The following OR4N2 variants were observed in gnomAD, a reference collection of about 807,000 sequenced individuals.
OR4N2 encodes the protein olfactory receptor family 4 subfamily N member 2.
For missense variants in OR4N2, 307 were observed against 377.6 expected (o/e 0.81, Z 1.55); for synonymous variants, 141 against 140.4 (o/e 1.00, Z -0.03).
intron 1 of OR4N2, among the ~76,000 whole-genome samples, chr14:19,825,524 CACTTATTT>C (rs1566468557): frequency 5.0e-4 from 75 of 149,634 alleles, no homozygotes; most frequent in Middle Eastern, 6.9e-3. Flanking sequence ...TGTGCTAGAG[CACTTATTT>C]ATTTATTTAT....
intron 1 of OR4N2, among the ~76,000 whole-genome samples, chr14:19,816,045 T>A (rs2138470582): frequency 6.6e-6 from 1 of 152,374 alleles, no homozygotes; most frequent in African/African-American, 2.4e-5. Flanking sequence ...TCTTTCCTGT[T>A]CCATTGGTCT....
Position 19,816,628 on chromosome 14 carries a change from T to A in OR4N2, c.-9-10812T>A, listed in dbSNP as rs564113309. On this transcript the variant is annotated intron_variant, in intron 1 of 1. Coordinates refer to ENST00000557677, the MANE Select transcript of OR4N2 (RefSeq NM_001004723.3). ...ATGGGATTTTCTAAATATACAATCATGTCATCTGCAAACTTTGACAATTTA... is the reference window on the plus strand; with the variant it reads ...ATGGGATTTTCTAAATATACAATCAAGTCATCTGCAAACTTTGACAATTTA... 2.8e-3 allele frequency among the ~76,000 whole-genome samples: 423 copies of A among 152,346 alleles called. 1 individual carries two copies. The highest frequency in any genetic ancestry group is 9.7e-3 in the African/African-American group (405 of 41,556).
At chr14:19,815,655 G>GTTTTTTTTT (rs59019427) in intron 1 of OR4N2, among the ~76,000 whole-genome samples, 16 of 138,524 alleles carry the variant, frequency 1.2e-4, no homozygotes, top group Non-Finnish European at 1.2e-4. Flanking sequence ...GTTTTTTTTT[G>GTTTTTTTTT]TTTTTTTTTT....
rs1406893275 is a variant in OR4N2 at position 19,828,010 on chromosome 14, G to C, written c.562G>C (p.Ala188Pro). ...TGATGTCCCACAGGTCATCAAGCTG[G>C]CCTGCACCGACACATTTGTGGTGGA... ...FCDVPQVIKL[A>P]CTDTFVVELL... is the part of the protein sequence containing the mutation. The change falls in exon 2 of 2, where the codon GCC (alanine) becomes CCC (proline). Residue 188 changes from alanine to proline, a missense_variant. By Grantham distance (27) the Ala-to-Pro change is conservative. Transcript: ENST00000557677. 1 of 1,614,094 alleles carries C rather than the reference G, an allele frequency of 6.2e-7. No individual in the cohort carries two copies. Among genetic ancestry groups the C allele is most frequent in the Non-Finnish European group, 8.5e-7 (1 of 1,180,050 alleles).
chr14:19,818,201 G>A (rs372262478), intron 1 of OR4N2, among the ~76,000 whole-genome samples: 1 of 152,222 alleles, frequency 6.6e-6, no homozygotes, highest in African/African-American at 2.4e-5. Context: ...TGTCTATTAG[G>A]TCTGCTTGGT....
At chr14:19,805,618 C>T (rs1309685512) in intron 1 of OR4N2, among the ~76,000 whole-genome samples, 1 of 152,144 alleles carries the variant, frequency 6.6e-6, no homozygotes, top group Non-Finnish European at 1.5e-5. Flanking sequence ...AACTCATTAC[C>T]ATTACTGAGA....
chr14:19,816,008 T>G (rs552556067), intron 1 of OR4N2, among the ~76,000 whole-genome samples: 71 of 152,384 alleles, frequency 4.7e-4, no homozygotes, highest in Admixed American at 2.2e-3. Context: ...CAGATGGTTG[T>G]AGACGTGTGG....
intron 1 of OR4N2, among the ~76,000 whole-genome samples, chr14:19,807,309 A>G (rs1319494604): frequency 3.3e-5 from 5 of 152,102 alleles, no homozygotes; most frequent in African/African-American, 1.2e-4. Context: ...CCTTCAAAAT[A>G]AAAATAAACA....
chr14:19,814,673 T>G (rs2138468881), intron 1 of OR4N2, among the ~76,000 whole-genome samples: 1 of 152,360 alleles, frequency 6.6e-6, no homozygotes, highest in African/African-American at 2.4e-5. Flanking sequence ...ATTGGTGAAG[T>G]CTTTTTTAAA....
chr14:19,825,656 C>T (rs902508522), intron 1 of OR4N2, among the ~76,000 whole-genome samples: 1 of 152,066 alleles, frequency 6.6e-6, no homozygotes, highest in Non-Finnish European at 1.5e-5. Flanking sequence ...CCCGGGTTCA[C>T]ACCATTCTCC....
At chr14:19,814,498 CA>C (rs1879378278) in intron 1 of OR4N2, among the ~76,000 whole-genome samples, 1 of 152,004 alleles carries the variant, frequency 6.6e-6, no homozygotes, top group East Asian at 1.9e-4. Flanking sequence ...AAGGCGTGCC[CA>C]AAAACTCAAT....
intron 1 of OR4N2, among the ~76,000 whole-genome samples, chr14:19,814,965 T>G (rs958416142): frequency 6.6e-6 from 1 of 152,256 alleles, no homozygotes; most frequent in Non-Finnish European, 1.5e-5. Context: ...AATGATGGTT[T>G]CCAGCTTCAT....
chr14:19,805,301 G>T (rs1879136299), intron 1 of OR4N2, among the ~76,000 whole-genome samples: 1 of 152,182 alleles, frequency 6.6e-6, no homozygotes, highest in African/African-American at 2.4e-5. Flanking sequence ...TGTCATGGAA[G>T]CTCATTGAGA....
At chr14:19,822,214 T>G (rs1428363745) in intron 1 of OR4N2, 1 of 151,442 alleles carries the variant, frequency 6.6e-6, no homozygotes, top group Non-Finnish European at 1.5e-5. Flanking sequence ...ATTACTTTAC[T>G]GGCAAACAAA....
chr14:19,805,244 C>G lies in OR4N2; in HGVS notation c.-10+1400C>G, dbSNP rs143627768. On this transcript the variant is annotated intron_variant, in intron 1 of 1. Coordinates refer to ENST00000557677, the MANE Select transcript of OR4N2 (RefSeq NM_001004723.3). ...TGTGTTTCCCAGCAATGATTCCTTA[C>G]CCATAATAAATTACTGAAATGACAG... 5.6e-3 allele frequency among the ~76,000 whole-genome samples: 853 copies of G among 151,872 alleles called. 2 individuals are homozygous for G. Among genetic ancestry groups the G allele is most frequent in the African/African-American group, 0.019 (791 of 41,354 alleles).
intron 1 of OR4N2, among the ~76,000 whole-genome samples, chr14:19,816,268 G>T (rs1879425709): frequency 6.6e-6 from 1 of 150,634 alleles, no homozygotes; most frequent in African/African-American, 2.4e-5. Context: ...GGATAGCATT[G>T]AATCTGTAAA....
In OR4N2 at chr14:19,809,657, T is replaced by C. The variant is rs1198578880; in HGVS notation, c.-10+5813T>C. Among the ~76,000 whole-genome samples, 4 of 152,244 alleles carry C rather than the reference T, an allele frequency of 2.6e-5. No individual in the cohort carries two copies. In the South Asian group the frequency reaches 8.3e-4, roughly 32 times the overall value. On this transcript the variant is annotated intron_variant, in intron 1 of 1. Coordinates refer to ENST00000557677, the MANE Select transcript of OR4N2 (RefSeq NM_001004723.3). ...TGGTACTGGTACAAAAACAGACACA[T>C]AAACCAATGGAACATAATGAGAGGC...
At chr14:19,816,742 A>C (rs1391505812) in intron 1 of OR4N2, among the ~76,000 whole-genome samples, 7 of 152,168 alleles carry the variant, frequency 4.6e-5, no homozygotes, top group Non-Finnish European at 8.8e-5. Context: ...TTGAATAAGG[A>C]TGGTGAGAAA....
At chr14:19,809,170 C>T (rs1315423380) in intron 1 of OR4N2, among the ~76,000 whole-genome samples, 1 of 151,920 alleles carries the variant, frequency 6.6e-6, no homozygotes, top group Non-Finnish European at 1.5e-5. Context: ...AAAAATGAAA[C>T]TTGACCCTTA....
Sources: allele counts gnomAD v4.1 joint callset (sites outside exome capture counted in the v4.1 genomes callset), GRCh38; gene constraint gnomAD v4.1.1; transcripts MANE v1.5; gene names NCBI Gene and HGNC (gene_info 2026-07-23, HGNC 2026-07-21).